Variants in MEAK7 observed in about 807,000 individuals in gnomAD.
MEAK7 encodes MTOR-associated protein MEAK7.
Under a neutral mutation model 40.5 loss-of-function variants are expected in MEAK7, and 68 were observed. That is an observed-to-expected ratio of 1.68 (90% CI 1.38 to 2.06). MEAK7 has a LOEUF of 2.06. Ranked by LOEUF, MEAK7 falls within the 30% of genes most tolerant of loss-of-function variation. The probability of loss-of-function intolerance (pLI) is 0.00; values close to 1 mark genes in which losing one functional copy is unlikely to be tolerated. For synonymous variants in MEAK7, 338 were observed against 231.9 expected, an observed-to-expected ratio of 1.46 and a Z score of -4.16; for missense variants, 918 against 580.5, an observed-to-expected ratio of 1.58 and a Z score of -5.98.
intron 3 of MEAK7, among the ~76,000 whole-genome samples, chr16:84,494,280 T>C (rs191696851): frequency 3.0e-4 from 46 of 152,298 alleles, no homozygotes; most frequent in Admixed American, 2.4e-3. Context: ...GAGAGAAAAA[T>C]GTTTCAAAAT....
chr16:84,485,377 G>A (rs1169070395), intron 5 of MEAK7, among the ~76,000 whole-genome samples: 2 of 152,176 alleles, frequency 1.3e-5, no homozygotes, highest in Non-Finnish European at 2.9e-5. Flanking sequence ...TCAACCTGGT[G>A]ACCCCTGCTA....
rs189945300 is a variant in MEAK7 at position 84,504,359 on chromosome 16, G to A, written c.-26+242C>T. On this transcript the variant is annotated intron_variant, in intron 1 of 7. Transcript: ENST00000343629. ...TACCTTGACCACATAAACAGCGGGA[G>A]GTGCAGGATGATTCTGATCCCCCCC... Among the ~76,000 whole-genome samples the A allele has an allele frequency of 8.5e-5, 13 of 152,272 alleles. No individual in the cohort carries two copies. The East Asian group carries it at 2.1e-3, about 25-fold the overall frequency.
intron 1 of MEAK7, chr16:84,503,933 G>T: frequency 1.0e-6 from 1 of 985,568 alleles, no homozygotes. Context: ...CGCATCCCTA[G>T]AGCCACACAA....
Position 84,486,967 on chromosome 16 carries a change from T to C in MEAK7, c.622A>G (p.Ile208Val), listed in dbSNP as rs1262206427. The change falls in exon 5 of 8, where the codon ATA (isoleucine) becomes GTA (valine). Residue 208 changes from isoleucine to valine, a missense_variant. By Grantham distance (29) the Ile-to-Val change is conservative. Coordinates refer to ENST00000343629, the MANE Select transcript of MEAK7 (RefSeq NM_020947.4). ...TTGCAAATGACCACACTCAGGAATA[T>C]GGCCACATGGGGGACCCTGAACACC... ...DWVFRVPHVA[I>V]FLSVVICKGF... is the part of the protein sequence containing the mutation. The C allele has an allele frequency of 1.2e-6, 2 of 1,614,018 alleles. No homozygotes were observed. The highest frequency in any genetic ancestry group is 1.7e-6 in the Non-Finnish European group (2 of 1,180,032).
In MEAK7 at chr16:84,498,136, T is replaced by C. The variant is rs1340224987; in HGVS notation, c.-25-25A>G. The C allele has an allele frequency of 3.3e-6, 5 of 1,534,440 alleles. No individual in the cohort carries two copies. The East Asian group carries it at 9.0e-5, about 28-fold the overall frequency. On this transcript the variant is annotated intron_variant, in intron 1 of 7. Coordinates refer to ENST00000343629, the MANE Select transcript of MEAK7 (RefSeq NM_020947.4). ...TCTGCAGAAGGAAAAGACACAACAT[T>C]AGAAAAATCAAAATTTAATAATCAC...
chr16:84,484,782 C>A (rs958591121), intron 5 of MEAK7, among the ~76,000 whole-genome samples: 3 of 152,198 alleles, frequency 2.0e-5, no homozygotes, highest in African/African-American at 7.2e-5. Context: ...GACCCACAGT[C>A]CACGGATTTG....
rs1372880566 is a variant in MEAK7, at chr16:84,479,977, A to G, written c.1307T>C (p.Leu436Pro). 6.2e-7 allele frequency: 1 copy of G among 1,609,654 alleles called. No homozygotes were observed. The highest frequency in any genetic ancestry group is 1.7e-5 in the Admixed American group (1 of 59,808). ...ILDADPEAQA[L>P]LEISGHSRHS... ...GCGCGAATGCCCACTGATCTCCAGCAGGGCCTGGGCCTCAGGGTCCGCATC... is the reference window on the plus strand; with the variant it reads ...GCGCGAATGCCCACTGATCTCCAGCGGGGCCTGGGCCTCAGGGTCCGCATC... The change falls in exon 8 of 8, where the codon CTG becomes CCG. Residue 436 changes from leucine (L) to proline (P), a missense_variant. Leu to Pro is a moderately conservative substitution (Grantham distance 98). Transcript: ENST00000343629.
rs754270692 is a variant in MEAK7, at chr16:84,495,790, C to A, written c.277G>T (p.Ala93Ser). 6.2e-7 allele frequency: 1 copy of A among 1,614,104 alleles called. No homozygotes were observed. Among genetic ancestry groups the A allele is most frequent in the South Asian group, 1.1e-5 (1 of 91,076 alleles). The change falls in exon 3 of 8, where the codon GCA (alanine) becomes TCA (serine). Residue 93 changes from alanine (A) to serine (S), a missense_variant. Coordinates refer to ENST00000343629, the MANE Select transcript of MEAK7 (RefSeq NM_020947.4). ...SENVSQEQFT[A>S]SMSHLLKGNS... ...CCTTTCAACAGGTGGGACATGGATG[C>A]TGTGAACTGCTCCTGGGACACGTTC...
chr16:84,490,992 T>G (rs1278842305), intron 3 of MEAK7, among the ~76,000 whole-genome samples: 4 of 151,404 alleles, frequency 2.6e-5, no homozygotes, highest in African/African-American at 9.7e-5. Flanking sequence ...TTTTCTACTG[T>G]GTTACCTGAT....
intron 5 of MEAK7, 178 bp downstream of exon 5, chr16:84,486,453 A>C (rs1289268107): frequency 2.8e-6 from 4 of 1,411,734 alleles, no homozygotes; most frequent in Non-Finnish European, 3.7e-6. Context: ...GTCCTGAAGA[A>C]CTCTGATGTG....
At chr16:84,487,842 C>T (rs566881999) in intron 4 of MEAK7, 2 of 152,306 alleles carry the variant, frequency 1.3e-5, no homozygotes, top group Non-Finnish European at 2.9e-5. Context: ...TCAGTTTCCT[C>T]AGGTATAAAA....
At chr16:84,488,750 A>G (rs564880185) in intron 4 of MEAK7, among the ~76,000 whole-genome samples, 22 of 152,364 alleles carry the variant, frequency 1.4e-4, no homozygotes, top group African/African-American at 5.3e-4. Context: ...CAATGAAAAT[A>G]AAAACATAAC....
At position 84,486,640 on chromosome 16, in the gene MEAK7, G is replaced by A. The variant is rs976254269; in HGVS notation, c.949C>T (p.Gln317Ter). 1.9e-6 allele frequency: 3 copies of A among 1,604,866 alleles called. No individual in the cohort carries two copies. Among genetic ancestry groups the A allele is most frequent in the East Asian group, 2.2e-5 (1 of 44,788 alleles). The change falls in exon 5 of 8, where the codon CAG (glutamine) becomes TAG (stop). Residue 317 changes from glutamine (Q) to a stop codon, truncating the protein, a stop_gained. Coordinates refer to ENST00000343629, the MANE Select transcript of MEAK7 (RefSeq NM_020947.4). LOFTEE classifies it high-confidence loss of function. Reference protein sequence around the residue: ...FASCSWEVKPQFQGDNRCFLF... With the variant: ...FASCSWEVKP ...GGACACCAAGTCTTACCTTGAAACT[G>A]AGGCTTCACCTCCCAAGAGCAAGAG...
rs751883948 is a variant in MEAK7, at chr16:84,487,066, G to C, written c.530-7C>G. The C allele has an allele frequency of 5.0e-6, 8 of 1,605,872 alleles. No homozygotes were observed. The highest frequency in any genetic ancestry group is 6.8e-6 in the Non-Finnish European group (8 of 1,176,084). The stretch of plus-strand genomic sequence containing the variant: ...CCCAGAAGTCTCTTGCCATCTAGGG[G>C]AAGGGGATGGTCAGCATTAGTGGGG... On this transcript the variant is annotated splice_region_variant and splice_polypyrimidine_tract_variant and intron_variant, in intron 4 of 7. Transcript: ENST00000343629.
At chr16:84,480,973 G>A (rs1365755008) in intron 6 of MEAK7, among the ~76,000 whole-genome samples, 2 of 152,214 alleles carry the variant, frequency 1.3e-5, no homozygotes, top group Non-Finnish European at 2.9e-5. Context: ...CTGGCTGAAA[G>A]CACAAGTGAC....
chr16:84,502,851 C>A (rs565564524), intron 1 of MEAK7: 14 of 152,324 alleles, frequency 9.2e-5, no homozygotes, highest in African/African-American at 3.4e-4. Flanking sequence ...GCCTGGGTGA[C>A]AGAGCAAGAC....
intron 3 of MEAK7, among the ~76,000 whole-genome samples, chr16:84,491,620 C>T (rs145819944): frequency 1.0e-4 from 15 of 149,686 alleles, no homozygotes; most frequent in East Asian, 1.0e-3. Context: ...AGGTGGATCA[C>T]GAGGTCAGGA....
At chr16:84,487,320 G>C (rs1388688533) in intron 4 of MEAK7, 1 of 427,560 alleles carries the variant, frequency 2.3e-6, no homozygotes, top group African/African-American at 2.0e-5. Flanking sequence ...CATATTATTA[G>C]AATCAGTTTT....
chr16:84,491,211 G>A (rs529114855), intron 3 of MEAK7, among the ~76,000 whole-genome samples: 26 of 151,358 alleles, frequency 1.7e-4, no homozygotes, highest in East Asian at 4.0e-4. Flanking sequence ...AGGCCAAGGC[G>A]AGTGGATTAC....
Sources: gnomAD v4.1 joint callset for allele counts (sites outside exome capture counted in the v4.1 genomes callset) on GRCh38, gnomAD v4.1.1 for gene constraint, MANE v1.5 for transcripts, NCBI Gene and HGNC (gene_info 2026-07-23, HGNC 2026-07-21) for gene names.